Variants in NRXN3 observed in about 807,000 individuals in gnomAD.
NRXN3 encodes the protein neurexin 3.
In NRXN3, 32 loss-of-function variants were observed where a neutral mutation model predicts 137.6. The ratio of observed to expected loss-of-function variants is 0.23; its 90% CI spans 0.18 to 0.31. The LOEUF (loss-of-function observed/expected upper bound fraction) is 0.31, where lower values mean the gene tolerates loss of function less well. NRXN3 is among the 10% of genes least tolerant of loss of function. The pLI is 1.00. For missense variants in NRXN3, 1,574 were observed against 2,062.5 expected, an observed-to-expected ratio of 0.76 and a Z score of 4.59; for synonymous variants, 798 against 784.5, an observed-to-expected ratio of 1.02 and a Z score of -0.29.
intron 3 of NRXN3, among the ~76,000 whole-genome samples, chr14:78,296,686 C>T (rs1485927145): frequency 1.3e-5 from 2 of 152,168 alleles, no homozygotes; most frequent in African/African-American, 4.8e-5. Context: ...GACCCCCTGA[C>T]ATTTATGGCA....
At chr14:78,173,403 T>A (rs879411640) in intron 1 of NRXN3, among the ~76,000 whole-genome samples, 1 of 151,614 alleles carries the variant, frequency 6.6e-6, no homozygotes, top group Admixed American at 6.6e-5. Context: ...CGGCACCAGC[T>A]TTGGGGGCAT....
chr14:79,031,197 C>G (rs147879919), intron 15 of NRXN3, among the ~76,000 whole-genome samples: 27 of 152,178 alleles, frequency 1.8e-4, no homozygotes, highest in Admixed American at 1.7e-3. Flanking sequence ...GTTAACTGCT[C>G]AGAGGCAATT....
At position 79,308,257 on chromosome 14, in the gene NRXN3, A is replaced by C. The variant is rs546827021; in HGVS notation, c.3263-158964A>C. On this transcript the variant is annotated intron_variant, in intron 15 of 20. Coordinates refer to ENST00000335750, the MANE Select transcript of NRXN3 (RefSeq NM_001330195.2). ...CCATCTTTGTCCTTTGTATGTCTTGAGAATTTCCTTTTACACTGTCTTACC... is the reference window on the plus strand; with the variant it reads ...CCATCTTTGTCCTTTGTATGTCTTGCGAATTTCCTTTTACACTGTCTTACC... Among the ~76,000 whole-genome samples the C allele has an allele frequency of 2.6e-5, 4 of 152,270 alleles. No individual in the cohort carries two copies. The South Asian group carries it at 8.3e-4, about 32-fold the overall frequency.
At chr14:79,242,598 C>G (rs1016575634) in intron 15 of NRXN3, among the ~76,000 whole-genome samples, 1 of 152,082 alleles carries the variant, frequency 6.6e-6, no homozygotes, top group African/African-American at 2.4e-5. Context: ...TTATCATGCC[C>G]TCTCCAGAGG....
intron 4 of NRXN3, among the ~76,000 whole-genome samples, chr14:78,474,370 T>C (rs1004144550): frequency 3.9e-5 from 6 of 152,128 alleles, no homozygotes; most frequent in Admixed American, 1.3e-4. Flanking sequence ...TGGCTCCTCA[T>C]TGTTGGTCCA....
At chr14:79,398,046 G>C (rs939516430) in intron 15 of NRXN3, among the ~76,000 whole-genome samples, 1 of 152,176 alleles carries the variant, frequency 6.6e-6, no homozygotes, top group Non-Finnish European at 1.5e-5. Context: ...TGCTCCAGCT[G>C]CATTCATCAG....
intron 20 of NRXN3, among the ~76,000 whole-genome samples, chr14:79,840,335 AGACT>A (rs2099353388): frequency 6.6e-6 from 1 of 152,200 alleles, no homozygotes; most frequent in African/African-American, 2.4e-5. Context: ...CCTAGCAGAC[AGACT>A]TAGTATGTCT....
intron 16 of NRXN3, among the ~76,000 whole-genome samples, chr14:79,509,180 C>A (rs984565394): frequency 6.6e-6 from 1 of 151,914 alleles, no homozygotes; most frequent in Non-Finnish European, 1.5e-5. Flanking sequence ...GGTGACAGAG[C>A]AAGACTCTGT....
intron 10 of NRXN3, among the ~76,000 whole-genome samples, chr14:78,878,523 A>G (rs956283131): frequency 6.6e-6 from 1 of 152,142 alleles, no homozygotes; most frequent in Non-Finnish European, 1.5e-5. Context: ...ACAAACCAAG[A>G]CTAATTTATT....
chr14:78,725,495 T>C (rs2098478920), intron 8 of NRXN3, among the ~76,000 whole-genome samples: 1 of 152,218 alleles, frequency 6.6e-6, no homozygotes, highest in Non-Finnish European at 1.5e-5. Flanking sequence ...CTGATCTCTT[T>C]GTCCCATGGC....
chr14:79,500,304 C>T (rs1476461001), intron 16 of NRXN3, among the ~76,000 whole-genome samples: 1 of 131,008 alleles, frequency 7.6e-6, no homozygotes, highest in Non-Finnish European at 1.6e-5. Flanking sequence ...CCAAATAAAA[C>T]AGATACCATT....
intron 10 of NRXN3, among the ~76,000 whole-genome samples, chr14:78,864,669 T>C (rs1027531679): frequency 1.3e-5 from 2 of 152,104 alleles, no homozygotes; most frequent in African/African-American, 4.8e-5. Flanking sequence ...ATTAATATAA[T>C]TTTTATGTGA....
chr14:79,390,100 G>A (rs908048595), intron 15 of NRXN3, among the ~76,000 whole-genome samples: 3 of 151,942 alleles, frequency 2.0e-5, no homozygotes, highest in Non-Finnish European at 4.4e-5. Flanking sequence ...GGTGGATCAC[G>A]AGGTCAGGAG....
chr14:78,972,583 G>A (rs1161809296), intron 14 of NRXN3, among the ~76,000 whole-genome samples: 1 of 152,164 alleles, frequency 6.6e-6, no homozygotes, highest in African/African-American at 2.4e-5. Flanking sequence ...ATGTGAGAAA[G>A]CTCTTGTTGC....
Position 78,845,920 on chromosome 14 carries a change from GTGTGTGTGTGTGTGTGTA to G in NRXN3, c.2275+35586_2275+35603del, listed in dbSNP as rs1230885704. On this transcript the variant is annotated intron_variant, in intron 10 of 20. Coordinates refer to ENST00000335750, the MANE Select transcript of NRXN3 (RefSeq NM_001330195.2). ...AGTATGTTGGGGTGTGTGTGTGTGT[GTGTGTGTGTGTGTGTGTA>G]TGTGTGTGTATAAAAGATTTTACTT... Among the ~76,000 whole-genome samples the G allele has an allele frequency of 4.2e-4, 64 of 151,850 alleles. 1 individual carries two copies. Among genetic ancestry groups the G allele is most frequent in the African/African-American group, 1.5e-3 (64 of 41,434 alleles).
At chr14:79,751,786 TG>T (rs1568113418) in intron 19 of NRXN3, among the ~76,000 whole-genome samples, 1 of 151,930 alleles carries the variant, frequency 6.6e-6, no homozygotes, top group East Asian at 1.9e-4. Flanking sequence ...CATGAAGGGC[TG>T]TTGAATTTTG....
At chr14:78,695,306 A>T (rs2098215146) in intron 6 of NRXN3, 1 of 152,024 alleles carries the variant, frequency 6.6e-6, no homozygotes, top group Admixed American at 6.6e-5. Context: ...ATAAAATAAT[A>T]TTTACAGTTT....
intron 3 of NRXN3, among the ~76,000 whole-genome samples, chr14:78,281,351 A>G (rs1414689991): frequency 6.6e-6 from 1 of 152,200 alleles, no homozygotes; most frequent in Admixed American, 6.5e-5. Flanking sequence ...TTTATGAGCT[A>G]ATGTAACTAT....
At chr14:78,291,821 G>T (rs1012368290) in intron 3 of NRXN3, among the ~76,000 whole-genome samples, 4 of 152,230 alleles carry the variant, frequency 2.6e-5, no homozygotes, top group African/African-American at 9.6e-5. Flanking sequence ...GATGATATAT[G>T]TGGATTTTTC....
Sources: gnomAD v4.1 joint callset for allele counts (sites outside exome capture counted in the v4.1 genomes callset) on GRCh38, gnomAD v4.1.1 for gene constraint, MANE v1.5 for transcripts, NCBI Gene and HGNC (gene_info 2026-07-23, HGNC 2026-07-21) for gene names.